The following PBRM1 variants were observed in gnomAD, a reference collection of about 807,000 sequenced individuals.
PBRM1 encodes the protein polybromo 1.
PBRM1 carries 27 observed loss-of-function variants against 194.5 expected under a neutral mutation model. The ratio of observed to expected loss-of-function variants is 0.14; its 90% CI spans 0.10 to 0.19. The LOEUF (loss-of-function observed/expected upper bound fraction) is 0.19, where lower values mean the gene tolerates loss of function less well. PBRM1 is among the 10% of genes least tolerant of loss of function. PBRM1 has a pLI of 1.00. For synonymous variants in PBRM1, 655 were observed against 693.2 expected, an observed-to-expected ratio of 0.94 and a Z score of 0.87; for missense variants, 1,466 against 2,077.2, an observed-to-expected ratio of 0.71 and a Z score of 5.72.
intron 20 of PBRM1, among the ~76,000 whole-genome samples, chr3:52,582,340 A>T (rs2091447578): frequency 6.6e-6 from 1 of 151,868 alleles, no homozygotes; most frequent in East Asian, 1.9e-4. Context: ...ATATACAGAG[A>T]GTTCCTAGAG....
At chr3:52,652,416 C>T (rs2096522480) in intron 5 of PBRM1, among the ~76,000 whole-genome samples, 1 of 150,072 alleles carries the variant, frequency 6.7e-6, no homozygotes, top group Non-Finnish European at 1.5e-5. Context: ...AGGCAGGGCA[C>T]GGTGGCTCAC....
intron 7 of PBRM1, among the ~76,000 whole-genome samples, chr3:52,647,820 C>T (rs1245240529): frequency 6.6e-6 from 1 of 151,958 alleles, no homozygotes; most frequent in African/African-American, 2.4e-5. Context: ...TTGCTTAGGG[C>T]TAGAGAAGTT....
At chr3:52,567,806 G>GT (rs1163710948) in intron 22 of PBRM1, among the ~76,000 whole-genome samples, 7,084 of 98,096 alleles carry the variant, frequency 0.072, 353 homozygotes, top group African/African-American at 0.15. Flanking sequence ...TAATTTTTGT[G>GT]TTTTTTTTTT....
chr3:52,567,380 T>C (rs1338631607), intron 22 of PBRM1, among the ~76,000 whole-genome samples: 1 of 151,904 alleles, frequency 6.6e-6, no homozygotes, highest in African/African-American at 2.4e-5. Flanking sequence ...TTTCTAGAAC[T>C]ATAAAAGCTG....
intron 27 of PBRM1, among the ~76,000 whole-genome samples, chr3:52,554,386 A>T (rs1297964923): frequency 6.6e-6 from 1 of 152,260 alleles, no homozygotes; most frequent in Non-Finnish European, 1.5e-5. Flanking sequence ...TCATTCACTG[A>T]TAAGAGGACA....
rs183001688 is a variant in PBRM1, at chr3:52,616,926, C to T, written c.1818+336G>A. 3.3e-5 allele frequency among the ~76,000 whole-genome samples: 5 copies of T among 152,228 alleles called. No homozygotes were observed. The East Asian group carries it at 9.6e-4, about 29-fold the overall frequency. ...GGCACTCTGCTAAATGCTCAGTATA[C>T]ATTATCTCTTTTAAATCCTACAACA... On this transcript the variant is annotated intron_variant, in intron 14 of 29. Transcript: ENST00000296302.
intron 2 of PBRM1, among the ~76,000 whole-genome samples, chr3:52,678,235 G>A (rs2097146036): frequency 6.6e-6 from 1 of 152,060 alleles, no homozygotes. Flanking sequence ...CCATGTAGCT[G>A]GGATTACAAG....
At chr3:52,607,854 G>C (rs1030845356) in intron 16 of PBRM1, among the ~76,000 whole-genome samples, 2 of 152,100 alleles carry the variant, frequency 1.3e-5, no homozygotes, top group African/African-American at 4.8e-5. Flanking sequence ...ATATTATTAA[G>C]GACCATTTCT....
At chr3:52,661,241 T>C (rs1006892431) in intron 4 of PBRM1, among the ~76,000 whole-genome samples, 2 of 152,118 alleles carry the variant, frequency 1.3e-5, no homozygotes, top group Non-Finnish European at 2.9e-5. Flanking sequence ...GTCAGGCTGT[T>C]CTTGAACTCC....
intron 9 of PBRM1, among the ~76,000 whole-genome samples, chr3:52,642,661 G>C (rs1577370927): frequency 6.7e-6 from 1 of 148,552 alleles, no homozygotes; most frequent in Admixed American, 6.7e-5. Context: ...ATTCTATTAT[G>C]AATTTAAAAA....
intron 18 of PBRM1, among the ~76,000 whole-genome samples, chr3:52,588,273 C>T (rs1449653431): frequency 6.6e-6 from 1 of 152,204 alleles, no homozygotes; most frequent in Non-Finnish European, 1.5e-5. Context: ...CAACTTCTGG[C>T]TTCATTAATT....
chr3:52,622,949 T>A (rs1185963724), intron 13 of PBRM1, among the ~76,000 whole-genome samples: 1 of 152,358 alleles, frequency 6.6e-6, no homozygotes, highest in South Asian at 2.1e-4. Context: ...TTAAACACTA[T>A]GCACTCTCAT....
rs571695488 is a variant in PBRM1 at position 52,555,817 on chromosome 3, A to C, written c.4454-938T>G. Among the ~76,000 whole-genome samples, 42 of 152,380 alleles carry C rather than the reference A, an allele frequency of 2.8e-4. No homozygotes were observed. In the South Asian group the frequency reaches 8.5e-3, roughly 31 times the overall value. On this transcript the variant is annotated intron_variant, in intron 26 of 29. Coordinates refer to ENST00000296302, the Ensembl canonical transcript of PBRM1. ...CTACTGGCTAGAGAAGAGTTTCAGCAAACAAGTATTTTTGGCAGAAGGAAT... is the reference window on the plus strand; with the variant it reads ...CTACTGGCTAGAGAAGAGTTTCAGCCAACAAGTATTTTTGGCAGAAGGAAT...
Position 52,586,534 on chromosome 3 carries a change from G to A in PBRM1, c.3278C>T (p.Pro1093Leu), listed in dbSNP as rs781617265. ...AAATACAGAGGCCACGCGAACCACA[G>A]GCAGAGGCACATCCCGAGGGACAAA... The change falls in exon 20 of 30, where the codon CCT becomes CTT. Residue 1093 changes from proline (P) to leucine (L), a missense_variant. By Grantham distance (98) the Pro-to-Leu change is moderately conservative. Around this residue, in one of 5 missense-constraint regions of PBRM1, gnomAD observed 687 missense variants for 946.2 expected, o/e 0.73. Coordinates refer to ENST00000296302, the Ensembl canonical transcript of PBRM1. 6.2e-6 allele frequency: 10 copies of A among 1,614,068 alleles called. No individual in the cohort carries two copies. In the Admixed American group the frequency reaches 1.7e-4, roughly 27 times the overall value.
At chr3:52,619,514 A>G (rs1022296430) in intron 13 of PBRM1, among the ~76,000 whole-genome samples, 2 of 152,188 alleles carry the variant, frequency 1.3e-5, no homozygotes, top group East Asian at 1.9e-4. Context: ...TTTTTTTTCT[A>G]TCCATAGTTG....
chr3:52,564,365 G>GCTTGAGCCAC, intron 22 of PBRM1, 132 bp from the exon 25 acceptor site: 1 of 695,826 alleles, frequency 1.4e-6, no homozygotes, highest in Non-Finnish European at 2.4e-6. Flanking sequence ...AAGGGGCTAG[G>GCTTGAGCCAC]CATGGTGGCT....
chr3:52,588,234 G>C (rs914917400), intron 18 of PBRM1, among the ~76,000 whole-genome samples: 1 of 152,142 alleles, frequency 6.6e-6, no homozygotes, highest in Non-Finnish European at 1.5e-5. Flanking sequence ...GCAGCTCAAA[G>C]AACTGGATTG....
intron 10 of PBRM1, among the ~76,000 whole-genome samples, chr3:52,641,723 C>T (rs1384783792): frequency 6.6e-6 from 1 of 152,068 alleles, no homozygotes; most frequent in Non-Finnish European, 1.5e-5. Context: ...CCAGGATCTG[C>T]TAAGTTATCA....
intron 14 of PBRM1, 41 bp downstream of exon 16, chr3:52,617,221 C>T (rs779998594): frequency 5.1e-6 from 8 of 1,567,500 alleles, no homozygotes; most frequent in African/African-American, 1.4e-5. Flanking sequence ...TACCCCTCTC[C>T]CGCAAAATGT....
Sources: gnomAD v4.1 joint callset for allele counts (sites outside exome capture counted in the v4.1 genomes callset) on GRCh38, gnomAD v4.1.1 for gene constraint, gnomAD v4.1.1 regional missense constraint, MANE v1.5 for transcripts, NCBI Gene and HGNC (gene_info 2026-07-23, HGNC 2026-07-21) for gene names.